LARS2: variants seen among roughly 807,000 people sequenced by gnomAD.
The protein encoded by LARS2 is leucine--tRNA ligase, mitochondrial.
A neutral mutation model predicts 116.6 loss-of-function variants in LARS2; 81 were observed. That is an observed-to-expected ratio of 0.69 (90% CI 0.58 to 0.84). LARS2 has a LOEUF of 0.84. Among genes scored for constraint, LARS2 ranks in the 40% least tolerant of loss-of-function variants. The probability of loss-of-function intolerance (pLI) is 0.00; values close to 1 mark genes in which losing one functional copy is unlikely to be tolerated. For synonymous variants in LARS2, 396 were observed against 407.2 expected (o/e 0.97, Z 0.33); for missense variants, 968 against 1,114.5 (o/e 0.87, Z 1.87).
chr3:45,455,235 C>G (rs1161710709), intron 7 of LARS2, among the ~76,000 whole-genome samples: 5 of 151,484 alleles, frequency 3.3e-5, no homozygotes, highest in Non-Finnish European at 7.4e-5. Flanking sequence ...CTGAGAGATG[C>G]CAGGCCATGT....
At chr3:45,528,821 A>T (rs1700571777) in intron 20 of LARS2, among the ~76,000 whole-genome samples, 1 of 151,912 alleles carries the variant, frequency 6.6e-6, no homozygotes, top group African/African-American at 2.4e-5. Flanking sequence ...TTACTCACTT[A>T]AATATTCCAT....
intron 3 of LARS2, among the ~76,000 whole-genome samples, chr3:45,398,727 G>C (rs896725604): frequency 2.0e-5 from 3 of 152,082 alleles, no homozygotes; most frequent in African/African-American, 7.2e-5. Context: ...GCTCCATAGG[G>C]GCCAGTTATC....
intron 6 of LARS2, among the ~76,000 whole-genome samples, chr3:45,429,596 T>A (rs1261366095): frequency 3.3e-5 from 5 of 152,142 alleles, no homozygotes; most frequent in Non-Finnish European, 5.9e-5. Context: ...TTTAATTACA[T>A]CTGCAAAATT....
At chr3:45,466,834 A>C (rs573281545) in intron 8 of LARS2, among the ~76,000 whole-genome samples, 117 of 152,248 alleles carry the variant, frequency 7.7e-4, no homozygotes, top group South Asian at 8.3e-4. Context: ...CTCCTGCTTC[A>C]GCCTCCTGAG....
intron 11 of LARS2, 65 bp downstream of exon 11, chr3:45,485,861 C>A: frequency 1.1e-6 from 1 of 921,018 alleles, no homozygotes; most frequent in South Asian, 1.5e-5. Flanking sequence ...AAATACTCCC[C>A]TGTTGCTGTC....
chr3:45,531,241 T>TAA lies in LARS2; in HGVS notation c.2404+7138_2404+7139dup, dbSNP rs201711221. Among the ~76,000 whole-genome samples, 488 of 152,236 alleles carry TAA rather than the reference T, an allele frequency of 3.2e-3. 4 individuals are homozygous for TAA. The highest frequency in any genetic ancestry group is 0.01 in the Middle Eastern group (3 of 292). On this transcript the variant is annotated intron_variant, in intron 20 of 21. Coordinates refer to ENST00000645846, the MANE Select transcript of LARS2 (RefSeq NM_015340.4). ...GTTAAGAAAAATATATGTAGACTGA[T>TAA]AAAAAACTATAAGAAAGAATTAATC...
rs1490335128 is a variant in LARS2 at position 45,500,492 on chromosome 3, T to C, written c.1673T>C (p.Ile558Thr). The C allele has an allele frequency of 5.0e-6, 8 of 1,603,710 alleles. No individual in the cohort carries two copies. The highest frequency in any genetic ancestry group is 2.3e-5 in the South Asian group (2 of 88,440). Reference protein sequence around the residue: ...ADYWMPVDLYIGGKEHAVMHL... With the variant: ...ADYWMPVDLYTGGKEHAVMHL... ...TACTGGATGCCTGTGGATTTGTACA[T>C]TGGAGGGAAAGAACATGCCGTCATG... The change falls in exon 15 of 22, where the codon ATT (isoleucine) becomes ACT (threonine). Residue 558 changes from isoleucine (I) to threonine (T), a missense_variant. Transcript: ENST00000645846.
intron 4 of LARS2, among the ~76,000 whole-genome samples, chr3:45,407,227 G>A (rs1181947202): frequency 6.6e-6 from 1 of 152,224 alleles, no homozygotes; most frequent in Non-Finnish European, 1.5e-5. Flanking sequence ...TTCTTAGCAA[G>A]TAAACAATAA....
At chr3:45,417,010 G>A (rs903082184) in intron 4 of LARS2, among the ~76,000 whole-genome samples, 23 of 150,538 alleles carry the variant, frequency 1.5e-4, no homozygotes, top group Non-Finnish European at 3.0e-4. Flanking sequence ...GGAGGTGGAG[G>A]TTGCAGTAAG....
chr3:45,543,912 C>T (rs765760895), intron 21 of LARS2, among the ~76,000 whole-genome samples: 2 of 152,168 alleles, frequency 1.3e-5, no homozygotes, highest in Non-Finnish European at 2.9e-5. Context: ...TCTTAAATTA[C>T]CACTGCAGAA....
In LARS2 at chr3:45,528,858, A is replaced by G. The variant is rs1037400542; in HGVS notation, c.2404+4750A>G. Among the ~76,000 whole-genome samples the G allele has an allele frequency of 1.4e-4, 18 of 127,338 alleles. 1 individual carries two copies. The highest frequency in any genetic ancestry group is 2.8e-4 in the South Asian group (1 of 3,596). 83.5% of individuals were successfully genotyped at this position (127,338 alleles called of 152,430 possible). A position where few individuals can be genotyped will look rare whatever the true frequency, so the allele number is the denominator to read the frequency against. ...AACATATATTTATGGGCCATTAAATACTTTTCTACAACATCTTTTTTTTTT... is the reference window on the plus strand; with the variant it reads ...AACATATATTTATGGGCCATTAAATGCTTTTCTACAACATCTTTTTTTTTT... On this transcript the variant is annotated intron_variant, in intron 20 of 21. Transcript: ENST00000645846.
At chr3:45,394,374 G>C in intron 2 of LARS2, 59 bp from the exon 3 acceptor site, 1 of 920,300 alleles carries the variant, frequency 1.1e-6, no homozygotes, top group Non-Finnish European at 1.7e-6. Flanking sequence ...CAAATGGAAA[G>C]ATAAGCTCTG....
intron 3 of LARS2, among the ~76,000 whole-genome samples, chr3:45,397,214 G>T (rs1038626052): frequency 6.6e-6 from 1 of 151,996 alleles, no homozygotes; most frequent in Admixed American, 6.6e-5. Context: ...CTTTCAATCA[G>T]ATTCTTGCTC....
intron 4 of LARS2, among the ~76,000 whole-genome samples, chr3:45,411,126 A>G (rs982416266): frequency 2.6e-5 from 4 of 152,226 alleles, no homozygotes; most frequent in Non-Finnish European, 5.9e-5. Context: ...AATGAATAAC[A>G]TACACTGACA....
intron 18 of LARS2, among the ~76,000 whole-genome samples, 156 bp from the exon 19 acceptor site, chr3:45,520,063 A>G (rs538204077): frequency 6.6e-6 from 1 of 152,354 alleles, no homozygotes; most frequent in East Asian, 1.9e-4. Context: ...ATATTTGTGT[A>G]GATGAAACAT....
At chr3:45,496,896 A>G (rs924320706) in intron 14 of LARS2, among the ~76,000 whole-genome samples, 1 of 152,254 alleles carries the variant, frequency 6.6e-6, no homozygotes, top group Non-Finnish European at 1.5e-5. Flanking sequence ...CCCAAGTACA[A>G]CACAAATACA....
At chr3:45,420,039 A>G (rs1698490625) in intron 6 of LARS2, among the ~76,000 whole-genome samples, 2 of 152,246 alleles carry the variant, frequency 1.3e-5, no homozygotes, top group Admixed American at 1.3e-4. Flanking sequence ...GTTGGAATCT[A>G]TATTAAAGTG....
intron 14 of LARS2, among the ~76,000 whole-genome samples, chr3:45,499,272 T>C (rs974716178): frequency 6.6e-6 from 1 of 152,082 alleles, no homozygotes; most frequent in Admixed American, 6.6e-5. Context: ...CAAAACCCCA[T>C]CTCTACTAAA....
At chr3:45,439,896 G>A (rs530134822) in intron 6 of LARS2, among the ~76,000 whole-genome samples, 80 of 152,288 alleles carry the variant, frequency 5.3e-4, no homozygotes, top group Middle Eastern at 3.4e-3. Flanking sequence ...CAGTATTTGG[G>A]AGAGAGATAT....
Sources: allele counts gnomAD v4.1 joint callset (sites outside exome capture counted in the v4.1 genomes callset), GRCh38; gene constraint gnomAD v4.1.1; transcripts MANE v1.5; gene names NCBI Gene and HGNC (gene_info 2026-07-23, HGNC 2026-07-21).